The following CBLIF variants were observed in gnomAD, a reference collection of about 807,000 sequenced individuals.
CBLIF encodes the protein cobalamin binding intrinsic factor, also known as gastric intrinsic factor (vitamin B synthesis).
CBLIF carries 24 observed loss-of-function variants against 44.9 expected under a neutral mutation model. That is an observed-to-expected ratio of 0.53 (90% CI 0.39 to 0.75). The LOEUF (loss-of-function observed/expected upper bound fraction) is 0.75, where lower values mean the gene tolerates loss of function less well. CBLIF is among the 30% of genes least tolerant of loss of function. CBLIF has a pLI of 0.00. For synonymous variants in CBLIF, 183 were observed against 190.9 expected (o/e 0.96, Z 0.34); for missense variants, 481 against 513.0 (o/e 0.94, Z 0.60).
chr11:59,841,131 G>T lies in CBLIF; in HGVS notation c.693+12C>A. ...GCAGGAACCCAACCAAGAGCATCCAGCACGTGTTTACCTGCATGGCGAGGC... is the reference window on the plus strand; with the variant it reads ...GCAGGAACCCAACCAAGAGCATCCATCACGTGTTTACCTGCATGGCGAGGC... On this transcript the variant is annotated intron_variant, in intron 5 of 8. Coordinates refer to ENST00000257248, the MANE Select transcript of CBLIF (RefSeq NM_005142.3). The T allele has an allele frequency of 6.2e-7, 1 of 1,600,164 alleles. No homozygotes were observed. Among genetic ancestry groups the T allele is most frequent in the Non-Finnish European group, 8.6e-7 (1 of 1,167,220 alleles).
In CBLIF at chr11:59,837,201, C is replaced by T; in HGVS notation, c.844G>A (p.Asp282Asn). 1 of 1,614,052 alleles carries T rather than the reference C, an allele frequency of 6.2e-7. No homozygotes were observed. The highest frequency in any genetic ancestry group is 8.5e-7 in the Non-Finnish European group (1 of 1,179,944). Reference sequence around the variant, plus strand: ...GGACTACAAGTGACCTGGGGCACATCTAGGTATGTCTTGCCTTTCAGGGAA... The same window carrying T: ...GGACTACAAGTGACCTGGGGCACATTTAGGTATGTCTTGCCTTTCAGGGAA... ...LPSLKGKTYLDVPQVTCSPDH... is the reference protein window; with the variant it reads ...LPSLKGKTYLNVPQVTCSPDH... Residue 282 changes from aspartate to asparagine, a missense_variant, in exon 6 of 9, where the codon GAT (aspartate) becomes AAT (asparagine). Coordinates refer to ENST00000257248, the MANE Select transcript of CBLIF (RefSeq NM_005142.3).
rs1866571257 is a variant in CBLIF, at chr11:59,843,870, A to G, written c.256+9T>C. The G allele has an allele frequency of 6.2e-7, 1 of 1,607,118 alleles. No individual in the cohort carries two copies. The highest frequency in any genetic ancestry group is 8.5e-7 in the Non-Finnish European group (1 of 1,174,370). ...TTCAGGGAGAGTGCGAGCGGCTCAG[A>G]TGTCTCACCGTTGTTGTCGCTGGAC... is the stretch of plus-strand genomic sequence containing the variant. On this transcript the variant is annotated intron_variant, in intron 2 of 8. Coordinates refer to ENST00000257248, the MANE Select transcript of CBLIF (RefSeq NM_005142.3).
chr11:59,841,084 A>T, intron 5 of CBLIF, 59 bp downstream of exon 5: 1 of 1,239,426 alleles, frequency 8.1e-7, no homozygotes. Flanking sequence ...TGGCCTCTTG[A>T]TTCTGCAATC....
intron 8 of CBLIF, 37 bp from the exon 9 acceptor site, chr11:59,829,582 G>A: frequency 7.4e-7 from 1 of 1,346,130 alleles, no homozygotes; most frequent in Non-Finnish European, 1.1e-6. Context: ...GGTGACTGTG[G>A]TGCATGTAAC....
At chr11:59,831,147 T>C (rs909290078) in intron 8 of CBLIF, among the ~76,000 whole-genome samples, 5 of 152,268 alleles carry the variant, frequency 3.3e-5, no homozygotes, top group Non-Finnish European at 7.3e-5. Context: ...TGCAAAAGCT[T>C]TAACAAATGT....
In CBLIF at chr11:59,841,126, A is replaced by C; in HGVS notation, c.693+17T>G. On this transcript the variant is annotated intron_variant, in intron 5 of 8. Transcript: ENST00000257248. ...TATTGGCAGGAACCCAACCAAGAGC[A>C]TCCAGCACGTGTTTACCTGCATGGC... 7.5e-6 allele frequency: 12 copies of C among 1,594,762 alleles called. No individual in the cohort carries two copies. The highest frequency in any genetic ancestry group is 1.0e-5 in the Non-Finnish European group (12 of 1,162,234).
chr11:59,835,738 C>T (rs930003811), intron 7 of CBLIF, 70 bp downstream of exon 7: 1 of 1,252,658 alleles, frequency 8.0e-7, no homozygotes, highest in African/African-American at 1.5e-5. Context: ...ATTAGGAAAA[C>T]AGGATGGATA....
In CBLIF at chr11:59,843,961, C is replaced by T; in HGVS notation, c.174G>A (p.Leu58=). Residue 58 remains leucine, a synonymous_variant, in exon 2 of 9, where the codon CTG becomes CTA. Coordinates refer to ENST00000257248, the MANE Select transcript of CBLIF (RefSeq NM_005142.3). ...AGGCTCCGGCCAGATTCATGGCAATCAGGATGCTGGGGTTTGGGTAGGCTG... is the reference window on the plus strand; with the variant it reads ...AGGCTCCGGCCAGATTCATGGCAATTAGGATGCTGGGGTTTGGGTAGGCTG... The part of the protein sequence containing the change: ...TSSAYPNPSI[L]IAMNLAGAYN... The T allele has an allele frequency of 6.2e-7, 1 of 1,613,606 alleles. No homozygotes were observed. The highest frequency in any genetic ancestry group is 8.5e-7 in the Non-Finnish European group (1 of 1,179,574).
chr11:59,842,812 C>T, intron 3 of CBLIF: 1 of 641,142 alleles, frequency 1.6e-6, no homozygotes, highest in South Asian at 1.8e-5. Context: ...GATGGCTGGA[C>T]AAGCTTGTGT....
At chr11:59,833,233 T>G (rs1262656843) in intron 7 of CBLIF, among the ~76,000 whole-genome samples, 2 of 152,198 alleles carry the variant, frequency 1.3e-5, no homozygotes, top group African/African-American at 2.4e-5. Context: ...TAAATATTTT[T>G]GGGCCAGACG....
chr11:59,831,879 T>C (rs772126329), intron 7 of CBLIF, 83 bp from the exon 8 acceptor site: 1 of 759,372 alleles, frequency 1.3e-6, no homozygotes, highest in Non-Finnish European at 2.4e-6. Context: ...GACAGTCAAT[T>C]AATTAATTAG....
chr11:59,835,691 C>A, intron 7 of CBLIF, 117 bp downstream of exon 7: 1 of 804,418 alleles, frequency 1.2e-6, no homozygotes, highest in Non-Finnish European at 2.2e-6. Context: ...GCTGCTCAAG[C>A]GCTATTAAAT....
chr11:59,841,221 A>T lies in CBLIF; in HGVS notation c.615T>A (p.Asp205Glu), dbSNP rs774742217. 6.8e-6 allele frequency: 11 copies of T among 1,612,648 alleles called. No homozygotes were observed. The highest frequency in any genetic ancestry group is 8.5e-6 in the Non-Finnish European group (10 of 1,178,780). Residue 205 changes from aspartate (D) to glutamate (E), a missense_variant, in exon 5 of 9, where the codon GAT becomes GAA. Coordinates refer to ENST00000257248, the MANE Select transcript of CBLIF (RefSeq NM_005142.3). ...TCTTCATGCTGATTTTCTCCACAATATCCTTTAGTACCTGACCAAACAGGG... is the reference window on the plus strand; with the variant it reads ...TCTTCATGCTGATTTTCTCCACAATTTCCTTTAGTACCTGACCAAACAGGG... ...YRSLFGQVLKDIVEKISMKIK... is the reference protein window; with the variant it reads ...YRSLFGQVLKEIVEKISMKIK...
rs944656554 is a variant in CBLIF at position 59,829,409 on chromosome 11, T to C, written c.*75A>G. On this transcript the variant is annotated 3_prime_UTR_variant, in exon 9 of 9. Coordinates refer to ENST00000257248, the MANE Select transcript of CBLIF (RefSeq NM_005142.3). The stretch of plus-strand genomic sequence containing the variant: ...CATCACAGGCATTCGCTTTTTTGCA[T>C]AGATTTAAAATGAAGTGGAAAAAAT... The C allele has an allele frequency of 1.3e-5, 12 of 920,396 alleles. No individual in the cohort carries two copies. Among genetic ancestry groups the C allele is most frequent in the Non-Finnish European group, 2.0e-5 (11 of 549,180 alleles). The allele number at this position is 920,396 out of a possible 1,614,324, so 57.0% of individuals were successfully genotyped here.
In CBLIF at chr11:59,831,478, A is replaced by ATT. The variant is rs900586371; in HGVS notation, c.1192+198_1192+199dup. 6.7e-5 allele frequency: 14 copies of ATT among 208,718 alleles called. No homozygotes were observed. The East Asian group carries it at 8.5e-4, about 13-fold the overall frequency. 12.9% of individuals were successfully genotyped at this position (208,718 alleles called of 1,614,324 possible). A position where few individuals can be genotyped will look rare whatever the true frequency, so the allele number is the denominator to read the frequency against. On this transcript the variant is annotated intron_variant, in intron 8 of 8. Transcript: ENST00000257248. The stretch of plus-strand genomic sequence containing the variant: ...AATTAATCTCTTTCTCTATGTAATG[A>ATT]TTATATATATATATATATATACACA...
At chr11:59,841,034 T>A (rs1413181297) in intron 5 of CBLIF, 109 bp downstream of exon 5, 2 of 846,650 alleles carry the variant, frequency 2.4e-6, no homozygotes, top group Non-Finnish European at 4.1e-6. Context: ...ATATCTCAGG[T>A]CATACTAGCT....
rs762702852 is a variant in CBLIF, at chr11:59,835,959, A to G, written c.922T>C (p.Ser308Pro). ...LPSNPGPGPT[S>P]ASNITVIYTI... ...TATATGACAGTGATGTTAGATGCAGAGGTGGGGCCAGGGCCAGGGTTGCTG... is the reference window on the plus strand; with the variant it reads ...TATATGACAGTGATGTTAGATGCAGGGGTGGGGCCAGGGCCAGGGTTGCTG... The change falls in exon 7 of 9, where the codon TCT becomes CCT. Residue 308 changes from serine (S) to proline (P), a missense_variant. Physicochemically the swap from Ser to Pro is moderately conservative, Grantham distance 74 (BLOSUM62 -1). Transcript: ENST00000257248. 1.2e-6 allele frequency: 2 copies of G among 1,614,148 alleles called. No homozygotes were observed. Among genetic ancestry groups the G allele is most frequent in the Non-Finnish European group, 1.7e-6 (2 of 1,180,004 alleles).
Position 59,841,259 on chromosome 11 carries a change from C to T in CBLIF, c.577G>A (p.Glu193Lys). The T allele has an allele frequency of 1.2e-6, 2 of 1,613,662 alleles. No homozygotes were observed. The highest frequency in any genetic ancestry group is 1.7e-6 in the Non-Finnish European group (2 of 1,179,514). ...TGACCAAACAGGGATCTGTAACCTT[C>T]CTCTGAACCTACAGGGATCTTGTTG... Reference protein sequence around the residue: ...MYNKIPVGSEEGYRSLFGQVL... With the variant: ...MYNKIPVGSEKGYRSLFGQVL... Residue 193 changes from glutamate to lysine, a missense_variant, in exon 5 of 9, where the codon GAA (glutamate) becomes AAA (lysine). Coordinates refer to ENST00000257248, the MANE Select transcript of CBLIF (RefSeq NM_005142.3).
intron 7 of CBLIF, among the ~76,000 whole-genome samples, chr11:59,833,549 GT>G (rs1037117451): frequency 1.9e-4 from 29 of 151,778 alleles, no homozygotes; most frequent in Non-Finnish European, 3.5e-4. Flanking sequence ...TAGTTTTGAA[GT>G]GCAATTTTTA....
Sources: gnomAD v4.1 joint callset for allele counts (sites outside exome capture counted in the v4.1 genomes callset) on GRCh38, gnomAD v4.1.1 for gene constraint, MANE v1.5 for transcripts, NCBI Gene and HGNC (gene_info 2026-07-23, HGNC 2026-07-21) for gene names.